The following SPOCK3 variants were observed in gnomAD, a reference collection of about 807,000 sequenced individuals.
SPOCK3 encodes SPARC (osteonectin), cwcv and kazal like domains proteoglycan 3, also known as testican-3.
A neutral mutation model predicts 56.6 loss-of-function variants in SPOCK3; 30 were observed. The ratio of observed to expected loss-of-function variants is 0.53; its 90% CI spans 0.40 to 0.72. SPOCK3 has a LOEUF of 0.72. Among genes scored for constraint, SPOCK3 ranks in the 30% least tolerant of loss-of-function variants. The pLI is 0.00. For synonymous variants in SPOCK3, 196 were observed against 183.3 expected (o/e 1.07, Z -0.56); for missense variants, 527 against 530.0 (o/e 0.99, Z 0.06).
chr4:166,992,874 T>C (rs762823950), intron 4 of SPOCK3, among the ~76,000 whole-genome samples: 29 of 152,132 alleles, frequency 1.9e-4, no homozygotes, highest in Non-Finnish European at 3.4e-4. Context: ...GAAGCCTTAA[T>C]TGGATGGCAG....
At chr4:166,931,831 A>C (rs28360752) in intron 4 of SPOCK3, among the ~76,000 whole-genome samples, 41,828 of 152,062 alleles carry the variant, frequency 0.28, 5,845 homozygotes, top group Middle Eastern at 0.39. Context: ...TCAGGATCTC[A>C]ATAGGCATTA....
chr4:166,774,885 C>A, intron 7 of SPOCK3, among the ~76,000 whole-genome samples: 1 of 152,128 alleles, frequency 6.6e-6, no homozygotes, highest in East Asian at 1.9e-4. Flanking sequence ...TGTCTTTACT[C>A]TTTTAGATTT....
At chr4:167,207,414 T>TA (rs967715185) in intron 2 of SPOCK3, among the ~76,000 whole-genome samples, 4 of 151,516 alleles carry the variant, frequency 2.6e-5, no homozygotes, top group African/African-American at 7.3e-5. Flanking sequence ...ATAAAAAAAC[T>TA]AAAAAAAATG....
intron 2 of SPOCK3, 74 bp from the exon 3 acceptor site, chr4:167,062,611 T>A: frequency 8.4e-7 from 1 of 1,191,248 alleles, no homozygotes; most frequent in Non-Finnish European, 1.2e-6. Flanking sequence ...AATCTAAAAT[T>A]AAATATGAAA....
intron 4 of SPOCK3, among the ~76,000 whole-genome samples, chr4:166,924,587 A>G (rs994498299): frequency 7.9e-5 from 12 of 152,230 alleles, no homozygotes; most frequent in Non-Finnish European, 1.8e-4. Context: ...AATATACTAC[A>G]TGCTAAGAAT....
intron 8 of SPOCK3, among the ~76,000 whole-genome samples, chr4:166,743,067 C>T (rs1244556974): frequency 6.6e-6 from 1 of 151,970 alleles, no homozygotes; most frequent in Admixed American, 6.6e-5. Flanking sequence ...TGAGATCGAT[C>T]CCCCTCGGAT....
intron 7 of SPOCK3, among the ~76,000 whole-genome samples, chr4:166,772,792 TTTTG>T (rs1195954046): frequency 6.6e-6 from 1 of 152,024 alleles, no homozygotes; most frequent in African/African-American, 2.4e-5. Flanking sequence ...TTTCTTTCCT[TTTTG>T]TTTGTTTGCT....
intron 2 of SPOCK3, among the ~76,000 whole-genome samples, chr4:167,177,482 C>A (rs771363580): frequency 6.6e-6 from 1 of 151,898 alleles, no homozygotes; most frequent in Non-Finnish European, 1.5e-5. Context: ...GAGGGATGTA[C>A]GTGGAGAATC....
intron 4 of SPOCK3, among the ~76,000 whole-genome samples, chr4:166,916,328 T>C (rs979130160): frequency 6.6e-6 from 1 of 152,122 alleles, no homozygotes; most frequent in Non-Finnish European, 1.5e-5. Flanking sequence ...AGCGTTCTTT[T>C]AGGTGACTCA....
chr4:167,120,909 C>A (rs1305238563), intron 2 of SPOCK3, among the ~76,000 whole-genome samples: 1 of 151,850 alleles, frequency 6.6e-6, no homozygotes, highest in Non-Finnish European at 1.5e-5. Context: ...TGGGTAACAT[C>A]ATAGTTTGAA....
At position 167,109,691 on chromosome 4, in the gene SPOCK3, A is replaced by T. The variant is rs1760728009; in HGVS notation, c.190-47154T>A. 2.0e-5 allele frequency among the ~76,000 whole-genome samples: 3 copies of T among 149,278 alleles called. 1 individual carries two copies. In the South Asian group the frequency reaches 6.2e-4, roughly 31 times the overall value. On this transcript the variant is annotated intron_variant, in intron 2 of 10. Transcript: ENST00000357545. ...AAGAGAAACTCTTGAAGCATACAAA[A>T]GTATATGCTAAGAACCTAAAATTGC...
chr4:167,073,651 CA>C (rs1415977508), intron 2 of SPOCK3, among the ~76,000 whole-genome samples: 1 of 151,814 alleles, frequency 6.6e-6, no homozygotes, highest in African/African-American at 2.4e-5. Context: ...TTTTTAGACA[CA>C]AACTGAAAGC....
intron 5 of SPOCK3, among the ~76,000 whole-genome samples, chr4:166,910,555 A>G (rs1349725436): frequency 6.6e-6 from 1 of 152,150 alleles, no homozygotes. Context: ...TATTTCTTAC[A>G]TGCTAAGTAA....
chr4:167,077,020 G>A (rs1680288239), intron 2 of SPOCK3, among the ~76,000 whole-genome samples: 1 of 151,798 alleles, frequency 6.6e-6, no homozygotes, highest in Non-Finnish European at 1.5e-5. Flanking sequence ...ATGGAATTGA[G>A]TTGATATTTT....
intron 4 of SPOCK3, among the ~76,000 whole-genome samples, chr4:166,962,958 A>G (rs766800675): frequency 5.9e-5 from 9 of 152,044 alleles, no homozygotes; most frequent in Non-Finnish European, 1.2e-4. Flanking sequence ...GTTGTATGTT[A>G]TTTTATTTAG....
intron 2 of SPOCK3, among the ~76,000 whole-genome samples, chr4:167,233,720 G>C (rs1261931629): frequency 6.6e-6 from 1 of 152,132 alleles, no homozygotes; most frequent in Non-Finnish European, 1.5e-5. Context: ...GGGCCGGGAG[G>C]GGGCACAGGG....
chr4:166,942,944 T>C (rs1188442409), intron 4 of SPOCK3, among the ~76,000 whole-genome samples: 1 of 152,180 alleles, frequency 6.6e-6, no homozygotes, highest in Non-Finnish European at 1.5e-5. Context: ...TTTATATTAG[T>C]TAGTTTGGGA....
At chr4:166,878,002 C>T (rs561874863) in intron 6 of SPOCK3, among the ~76,000 whole-genome samples, 4 of 152,140 alleles carry the variant, frequency 2.6e-5, no homozygotes, top group South Asian at 4.1e-4. Context: ...AATGGCCGGG[C>T]GCGGTGGCTC....
chr4:167,123,900 C>T (rs1762072392), intron 2 of SPOCK3, among the ~76,000 whole-genome samples: 1 of 151,890 alleles, frequency 6.6e-6, no homozygotes, highest in African/African-American at 2.4e-5. Flanking sequence ...TGCATACTGC[C>T]ACGCCTGGCT....
Sources: gnomAD v4.1 joint callset for allele counts (sites outside exome capture counted in the v4.1 genomes callset) on GRCh38, gnomAD v4.1.1 for gene constraint, MANE v1.5 for transcripts, NCBI Gene and HGNC (gene_info 2026-07-23, HGNC 2026-07-21) for gene names.